FRMPD1: variants seen among roughly 807,000 people sequenced by gnomAD.
The protein encoded by FRMPD1 is FERM and PDZ domain containing 1.
A neutral mutation model predicts 117.8 loss-of-function variants in FRMPD1; 76 were observed. That is an observed-to-expected ratio of 0.65 (90% CI 0.54 to 0.78). The LOEUF (loss-of-function observed/expected upper bound fraction) is 0.78. Among genes scored for constraint, FRMPD1 ranks in the 30% least tolerant of loss-of-function variants. The pLI is 0.00. For synonymous variants in FRMPD1, 783 were observed against 770.4 expected (o/e 1.02, Z -0.27); for missense variants, 1,786 against 1,964.5 (o/e 0.91, Z 1.72).
At chr9:37,732,765 A>G (rs891918923) in intron 10 of FRMPD1, among the ~76,000 whole-genome samples, 3 of 152,170 alleles carry the variant, frequency 2.0e-5, no homozygotes, top group African/African-American at 7.2e-5. Flanking sequence ...CTTGGAAGTT[A>G]ATTTTTCCCG....
rs201523217 is a variant in FRMPD1, at chr9:37,735,704, C to T, written c.1371C>T (p.Ser457=). Residue 457 remains serine (S), a synonymous_variant, in exon 13 of 16, where the codon AGC becomes AGT. Transcript: ENST00000377765. ...TAACGGAAGAGTCTGAGAAAGTGAG[C>T]GTCGTCAAAGTGTATCTTCAGGACG... ...VELTEESEKV[S]VVKVYLQDVK... The T allele has an allele frequency of 1.2e-5, 19 of 1,613,170 alleles. No individual in the cohort carries two copies. The highest frequency in any genetic ancestry group is 4.5e-5 in the East Asian group (2 of 44,840).
upstream of FRMPD1, among the ~76,000 whole-genome samples, chr9:37,648,143 T>C (rs1354264964): frequency 7.2e-6 from 1 of 138,154 alleles, no homozygotes; most frequent in African/African-American, 2.9e-5. Context: ...GTAGGTATTC[T>C]TATTATGCTC....
intron 14 of FRMPD1, among the ~76,000 whole-genome samples, chr9:37,738,604 G>GCT (rs1357507799): frequency 6.6e-6 from 1 of 152,138 alleles, no homozygotes; most frequent in Non-Finnish European, 1.5e-5. Flanking sequence ...CTCCCAAAGT[G>GCT]CTGAGATTAC....
chr9:37,655,291 C>T (rs1033020304), intron 1 of FRMPD1, among the ~76,000 whole-genome samples: 1 of 152,070 alleles, frequency 6.6e-6, no homozygotes, highest in African/African-American at 2.4e-5. Flanking sequence ...TCAAATATGC[C>T]CCCATCTTTC....
chr9:37,610,595 C>CTT, the FRMPD1 span, among the ~76,000 whole-genome samples: 322 of 137,844 alleles, frequency 2.3e-3, 3 homozygotes, highest in East Asian at 0.015. Flanking sequence ...CTATCACATT[C>CTT]TTTTTTTTTT....
chr9:37,621,563 T>C, the FRMPD1 span, among the ~76,000 whole-genome samples: 2 of 152,102 alleles, frequency 1.3e-5, no homozygotes, highest in East Asian at 1.9e-4. Flanking sequence ...TCTCCTGCAG[T>C]TGGGGGCCCA....
upstream of FRMPD1, among the ~76,000 whole-genome samples, chr9:37,648,282 A>G (rs1461228362): frequency 6.6e-6 from 1 of 152,124 alleles, no homozygotes; most frequent in Non-Finnish European, 1.5e-5. Flanking sequence ...TTTTAACACT[A>G]TGTTATGTGT....
intron 6 of FRMPD1, among the ~76,000 whole-genome samples, chr9:37,719,426 T>A (rs976369873): frequency 6.6e-6 from 1 of 152,178 alleles, no homozygotes; most frequent in African/African-American, 2.4e-5. Context: ...GTTCTGTGAC[T>A]CCATTCTTCT....
chr9:37,697,836 G>T (rs751901608), intron 2 of FRMPD1, among the ~76,000 whole-genome samples: 2 of 152,158 alleles, frequency 1.3e-5, no homozygotes, highest in Non-Finnish European at 2.9e-5. Context: ...CAGTTCTTCG[G>T]CTGGGCGTGG....
Position 37,735,560 on chromosome 9 carries a change from T to C in FRMPD1, c.1227T>C (p.Asp409=), listed in dbSNP as rs1824079616. 2.5e-6 allele frequency: 4 copies of C among 1,612,688 alleles called. No individual in the cohort carries two copies. Among genetic ancestry groups the C allele is most frequent in the Non-Finnish European group, 3.4e-6 (4 of 1,178,732 alleles). Residue 409 remains aspartate, a synonymous_variant, in exon 13 of 16, where the codon GAT becomes GAC. Transcript: ENST00000377765. ...CCTTCCACCCTCTGCAGTTACAGGATAGAGAATCCTACATTGCCCTTCTAG... is the reference window on the plus strand; with the variant it reads ...CCTTCCACCCTCTGCAGTTACAGGACAGAGAATCCTACATTGCCCTTCTAG... The part of the protein sequence containing the change: ...RIFNATLMLQ[D]RESYIALLVG...
At chr9:37,610,868 C>A in the FRMPD1 span, among the ~76,000 whole-genome samples, 1 of 152,130 alleles carries the variant, frequency 6.6e-6, no homozygotes, top group African/African-American at 2.4e-5. Flanking sequence ...TCCTAAAGTG[C>A]TGGGATTACA....
At chr9:37,637,248 C>T in the FRMPD1 span, 159 of 1,609,892 alleles carry the variant, frequency 9.9e-5, no homozygotes, top group East Asian at 3.3e-3. Context: ...ACGCCTGAGT[C>T]GCCAATCAAA....
At chr9:37,690,878 G>A (rs757011428) in intron 1 of FRMPD1, among the ~76,000 whole-genome samples, 2 of 152,170 alleles carry the variant, frequency 1.3e-5, no homozygotes, top group Non-Finnish European at 2.9e-5. Flanking sequence ...GGGCAAAAGA[G>A]CACACAAGAG....
chr9:37,664,171 G>A (rs1821084299), intron 1 of FRMPD1, among the ~76,000 whole-genome samples: 1 of 152,012 alleles, frequency 6.6e-6, no homozygotes, highest in African/African-American at 2.4e-5. Context: ...GGAGTGGAGG[G>A]CACCGAGATG....
At chr9:37,647,030 G>A (rs577432943), upstream of FRMPD1, among the ~76,000 whole-genome samples, 15 of 152,232 alleles carry the variant, frequency 9.9e-5, no homozygotes, top group Middle Eastern at 6.8e-3. Flanking sequence ...ATGCAACACA[G>A]CTTGTCCTTA....
chr9:37,725,716 C>A (rs72724140), intron 7 of FRMPD1, among the ~76,000 whole-genome samples: 20,972 of 152,198 alleles, frequency 0.14, 1,576 homozygotes, highest in Middle Eastern at 0.19. Flanking sequence ...TATACGATCT[C>A]ATTTAATGCC....
At chr9:37,669,745 G>C (rs1265728597) in intron 1 of FRMPD1, 1 of 152,138 alleles carries the variant, frequency 6.6e-6, no homozygotes, top group African/African-American at 2.4e-5. Flanking sequence ...TGTAATTCCA[G>C]CACTTTGGGA....
In FRMPD1 at chr9:37,685,165, A is replaced by G. The variant is rs193228396; in HGVS notation, c.-4-7473A>G. Reference sequence around the variant, plus strand: ...ACCTGAATAATGTGCTGCAAAATACATGAACATAATCTTTCTTTTTCAAAT... The same window carrying G: ...ACCTGAATAATGTGCTGCAAAATACGTGAACATAATCTTTCTTTTTCAAAT... On this transcript the variant is annotated intron_variant, in intron 1 of 15. Transcript: ENST00000377765. Among the ~76,000 whole-genome samples, 227 of 152,350 alleles carry G rather than the reference A, an allele frequency of 1.5e-3. 3 individuals carry two copies. The highest frequency in any genetic ancestry group is 4.5e-3 in the Admixed American group (69 of 15,304).
At chr9:37,717,373 A>G (rs374540974) in intron 5 of FRMPD1, among the ~76,000 whole-genome samples, 14,930 of 86,520 alleles carry the variant, frequency 0.17, 968 homozygotes, top group Middle Eastern at 0.24. Flanking sequence ...GTGTGTGTAT[A>G]TATATATATT....
Sources: gnomAD v4.1 joint callset for allele counts (sites outside exome capture counted in the v4.1 genomes callset) on GRCh38, gnomAD v4.1.1 for gene constraint, MANE v1.5 for transcripts, NCBI Gene and HGNC (gene_info 2026-07-23, HGNC 2026-07-21) for gene names.